Variants in AGBL4 observed in about 807,000 individuals in gnomAD.
AGBL4 encodes the protein cytosolic carboxypeptidase 6.
A neutral mutation model predicts 66.4 loss-of-function variants in AGBL4; 58 were observed. That is an observed-to-expected ratio of 0.87 (90% CI 0.71 to 1.09). AGBL4 has a LOEUF of 1.09. AGBL4 is among the 50% of genes least tolerant of loss of function. AGBL4 has a pLI of 0.00. For synonymous variants in AGBL4, 234 were observed against 222.9 expected (o/e 1.05, Z -0.44); for missense variants, 579 against 631.0 (o/e 0.92, Z 0.88).
At chr1:48,699,649 C>A (rs1381819593) in intron 6 of AGBL4, among the ~76,000 whole-genome samples, 1 of 152,168 alleles carries the variant, frequency 6.6e-6, no homozygotes, top group East Asian at 1.9e-4. Flanking sequence ...GGCTCTCTTA[C>A]CTTTTGTTGG....
At chr1:49,947,494 C>T (rs188406532) in intron 1 of AGBL4, among the ~76,000 whole-genome samples, 1 of 151,792 alleles carries the variant, frequency 6.6e-6, no homozygotes, top group Non-Finnish European at 1.5e-5. Context: ...ATCCAGCATC[C>T]CTTTATGATT....
chr1:48,799,397 G>A (rs186323428), intron 6 of AGBL4, among the ~76,000 whole-genome samples: 4 of 152,280 alleles, frequency 2.6e-5, no homozygotes, highest in Non-Finnish European at 1.5e-5. Flanking sequence ...CTTTCTGGAT[G>A]AGTCTTTAGG....
In AGBL4 at chr1:48,541,351, C is replaced by T. The variant is rs1242156506; in HGVS notation, c.1268-1613G>A. 2.6e-5 allele frequency among the ~76,000 whole-genome samples: 4 copies of T among 152,242 alleles called. No homozygotes were observed. In the East Asian group the frequency reaches 7.7e-4, roughly 29 times the overall value. ...TAATCATACTGCATTTTACCTGTCTCTTCTTTTCAGTAGCCCCTTCTAGCC... is the reference window on the plus strand; with the variant it reads ...TAATCATACTGCATTTTACCTGTCTTTTCTTTTCAGTAGCCCCTTCTAGCC... On this transcript the variant is annotated intron_variant, in intron 11 of 13. Transcript: ENST00000371839.
chr1:49,250,107 G>A (rs1458141521), intron 3 of AGBL4, among the ~76,000 whole-genome samples: 1 of 152,122 alleles, frequency 6.6e-6, no homozygotes, highest in African/African-American at 2.4e-5. Context: ...TAATTAATGG[G>A]TACAAAAATA....
the AGBL4 span, among the ~76,000 whole-genome samples, chr1:48,526,293 G>A: frequency 6.6e-6 from 1 of 152,208 alleles, no homozygotes; most frequent in African/African-American, 2.4e-5. Context: ...ATTAGAGTCT[G>A]ATGACTCCCA....
At chr1:48,807,750 G>A (rs765938325) in intron 6 of AGBL4, among the ~76,000 whole-genome samples, 1 of 152,162 alleles carries the variant, frequency 6.6e-6, no homozygotes, top group Non-Finnish European at 1.5e-5. Context: ...TATCAGAAGG[G>A]CAGTGGAAGT....
chr1:49,931,253 CTT>C (rs774698994), intron 1 of AGBL4, among the ~76,000 whole-genome samples: 4 of 152,022 alleles, frequency 2.6e-5, no homozygotes, highest in South Asian at 2.1e-4. Flanking sequence ...AAAATAAAGA[CTT>C]AAATAAATGA....
intron 11 of AGBL4, chr1:48,586,612 G>A (rs1644824432): frequency 8.7e-6 from 2 of 230,470 alleles, no homozygotes; most frequent in Admixed American, 5.2e-5. Context: ...GTATGTTCAG[G>A]GTTAGAAGGA....
Position 49,799,833 on chromosome 1 carries a change from CAT to C in AGBL4, c.157+51561_157+51562del, listed in dbSNP as rs201558960. Among the ~76,000 whole-genome samples, 1,211 of 152,114 alleles carry C rather than the reference CAT, an allele frequency of 8.0e-3. 7 individuals are homozygous for C. The highest frequency in any genetic ancestry group is 0.031 in the Middle Eastern group (9 of 294). ...AGTTTCTAGTACTTATAATGATGTCCATATGTTTGCCAAACAACTCAGTGCCA... is the reference window on the plus strand; with the variant it reads ...AGTTTCTAGTACTTATAATGATGTCCATGTTTGCCAAACAACTCAGTGCCA... On this transcript the variant is annotated intron_variant, in intron 2 of 13. Transcript: ENST00000371839.
chr1:49,870,083 T>C (rs139234821), intron 1 of AGBL4, among the ~76,000 whole-genome samples: 1,965 of 152,276 alleles, frequency 0.013, 44 homozygotes, highest in African/African-American at 0.046. Flanking sequence ...TTCATAAATA[T>C]GTACAACTAT....
At chr1:49,629,576 T>G (rs1433555346) in intron 3 of AGBL4, among the ~76,000 whole-genome samples, 1 of 152,172 alleles carries the variant, frequency 6.6e-6, no homozygotes, top group Non-Finnish European at 1.5e-5. Flanking sequence ...CTCCATTTAT[T>G]ATTGGCCCCC....
chr1:48,605,665 T>A (rs1326271080), intron 9 of AGBL4, among the ~76,000 whole-genome samples: 1 of 152,228 alleles, frequency 6.6e-6, no homozygotes, highest in Non-Finnish European at 1.5e-5. Flanking sequence ...AGGTCCAACA[T>A]CTAGCGCAGT....
chr1:49,957,451 C>T (rs1435217762), intron 1 of AGBL4, among the ~76,000 whole-genome samples: 1 of 151,802 alleles, frequency 6.6e-6, no homozygotes, highest in Non-Finnish European at 1.5e-5. Flanking sequence ...CTGTTGTTGA[C>T]AGTGGGGTGT....
At chr1:49,007,482 A>G (rs1483317795) in intron 5 of AGBL4, among the ~76,000 whole-genome samples, 1 of 149,014 alleles carries the variant, frequency 6.7e-6, no homozygotes, top group African/African-American at 2.5e-5. Context: ...AACTTCCCCA[A>G]TCTAGCAAGG....
intron 5 of AGBL4, among the ~76,000 whole-genome samples, chr1:48,972,598 A>G (rs1482781076): frequency 6.6e-6 from 1 of 152,156 alleles, no homozygotes; most frequent in African/African-American, 2.4e-5. Context: ...GCGTAGCTAG[A>G]ATCTGATTCA....
At chr1:49,069,984 C>G (rs1274468697) in intron 4 of AGBL4, among the ~76,000 whole-genome samples, 1 of 151,870 alleles carries the variant, frequency 6.6e-6, no homozygotes, top group Non-Finnish European at 1.5e-5. Flanking sequence ...ATTTTATTCT[C>G]TTTGTAGCAA....
chr1:49,431,444 A>C (rs1210225317), intron 3 of AGBL4, among the ~76,000 whole-genome samples: 1 of 152,212 alleles, frequency 6.6e-6, no homozygotes, highest in Non-Finnish European at 1.5e-5. Context: ...TCTAATCAAA[A>C]TTAAGTTTAG....
At chr1:48,773,254 A>G (rs1223841486) in intron 6 of AGBL4, among the ~76,000 whole-genome samples, 1 of 152,152 alleles carries the variant, frequency 6.6e-6, no homozygotes, top group Non-Finnish European at 1.5e-5. Flanking sequence ...CCTCCTAAAA[A>G]AAAAATAAAA....
chr1:49,082,247 A>G (rs1409665792), intron 4 of AGBL4, among the ~76,000 whole-genome samples: 4 of 152,208 alleles, frequency 2.6e-5, no homozygotes, highest in African/African-American at 9.6e-5. Context: ...AATTGGATAG[A>G]GAAAAAAGGC....
Sources: allele counts gnomAD v4.1 joint callset (sites outside exome capture counted in the v4.1 genomes callset), GRCh38; gene constraint gnomAD v4.1.1; transcripts MANE v1.5; gene names NCBI Gene and HGNC (gene_info 2026-07-23, HGNC 2026-07-21).